Variants in CACNB2 observed in about 807,000 individuals in gnomAD.
CACNB2 encodes the protein voltage-dependent L-type calcium channel subunit beta-2.
In CACNB2, 42 loss-of-function variants were observed where a neutral mutation model predicts 73.3. The observed-to-expected ratio is 0.57, with a 90% CI of 0.45 to 0.74. The LOEUF is 0.74. CACNB2 is among the 30% of genes least tolerant of loss of function. The pLI is 0.00. For missense variants in CACNB2, 940 were observed against 853.0 expected, an observed-to-expected ratio of 1.10 and a Z score of -1.27; for synonymous variants, 348 against 310.3, an observed-to-expected ratio of 1.12 and a Z score of -1.28.
At chr10:18,233,820 T>A (rs1379805362) in intron 2 of CACNB2, among the ~76,000 whole-genome samples, 1 of 152,160 alleles carries the variant, frequency 6.6e-6, no homozygotes, top group Non-Finnish European at 1.5e-5. Context: ...CCCAAGAGCT[T>A]ATTTATCAAC....
chr10:18,252,469 A>G (rs2037127261), intron 2 of CACNB2, among the ~76,000 whole-genome samples: 1 of 152,178 alleles, frequency 6.6e-6, no homozygotes, highest in East Asian at 1.9e-4. Context: ...AGTAAGAAGT[A>G]CTTCCATTAT....
chr10:18,531,228 C>G (rs533081802), intron 10 of CACNB2, among the ~76,000 whole-genome samples: 1 of 152,096 alleles, frequency 6.6e-6, no homozygotes, highest in African/African-American at 2.4e-5. Flanking sequence ...TTACAGAAAC[C>G]TCCTTCTAAA....
chr10:18,339,557 T>A (rs1265333682), intron 2 of CACNB2, among the ~76,000 whole-genome samples: 3 of 152,120 alleles, frequency 2.0e-5, no homozygotes, highest in Non-Finnish European at 2.9e-5. Context: ...ACCAACAGTA[T>A]GTGAAAGTCT....
At chr10:18,149,350 T>C (rs1402698578) in intron 1 of CACNB2, among the ~76,000 whole-genome samples, 1 of 152,210 alleles carries the variant, frequency 6.6e-6, no homozygotes, top group East Asian at 1.9e-4. Context: ...GTAAAAAGAA[T>C]GAGCTGTTAA....
intron 2 of CACNB2, chr10:18,400,426 G>T (rs2043932427): frequency 4.5e-6 from 1 of 224,662 alleles, no homozygotes; most frequent in South Asian, 1.6e-4. Flanking sequence ...GAACCGAAGA[G>T]ACCTTTCCAG....
chr10:18,487,777 G>T (rs1466661443), intron 3 of CACNB2, among the ~76,000 whole-genome samples: 37 of 151,252 alleles, frequency 2.4e-4, no homozygotes, highest in Admixed American at 2.4e-3. Flanking sequence ...AGAGGTTGCA[G>T]TGAGCCAAGA....
chr10:18,140,438 G>A lies in CACNB2; in HGVS notation c.-299G>A, dbSNP rs1431809526. Among the ~76,000 whole-genome samples the A allele has an allele frequency of 6.6e-6, 1 of 151,892 alleles. No individual in the cohort carries two copies. The highest frequency in any genetic ancestry group is 2.1e-4 in the South Asian group (1 of 4,824). On this transcript the variant is annotated 5_prime_UTR_variant, in exon 1 of 14. Coordinates refer to ENST00000324631, the MANE Select transcript of CACNB2 (RefSeq NM_201596.3). ...CTCCGATCCCCGCCGCGCTGCGCCC[G>A]CTCTCCCGGCCCCGGCTGCCCCGCT... is the stretch of plus-strand genomic sequence containing the variant.
intron 2 of CACNB2, among the ~76,000 whole-genome samples, chr10:18,381,498 G>A (rs544820342): frequency 6.4e-4 from 97 of 152,042 alleles, no homozygotes; most frequent in African/African-American, 2.2e-3. Context: ...GACCAGCCTG[G>A]CCAATATGGT....
At chr10:18,324,415 C>A (rs1044574922) in intron 2 of CACNB2, among the ~76,000 whole-genome samples, 1 of 152,090 alleles carries the variant, frequency 6.6e-6, no homozygotes, top group Non-Finnish European at 1.5e-5. Flanking sequence ...GGTAGCCTTG[C>A]CAGTCGCAAA....
intron 2 of CACNB2, among the ~76,000 whole-genome samples, chr10:18,277,600 G>A (rs1295881): frequency 0.2 from 29,770 of 152,164 alleles, 3,167 homozygotes; most frequent in South Asian, 0.29. Context: ...ATATACAGAG[G>A]TTTCTAAAAC....
chr10:18,481,290 A>G (rs1345011708), intron 3 of CACNB2, among the ~76,000 whole-genome samples: 1 of 108,400 alleles, frequency 9.2e-6, no homozygotes, highest in African/African-American at 3.6e-5. Context: ...TCTGTCTCCC[A>G]GGCTGGAATG....
intron 3 of CACNB2, among the ~76,000 whole-genome samples, chr10:18,444,314 G>A (rs928172638): frequency 3.3e-5 from 5 of 152,126 alleles, no homozygotes; most frequent in Admixed American, 1.3e-4. Context: ...GAGGACAGTC[G>A]AGTGCAAAGA....
At chr10:18,390,413 C>T (rs1243912873) in intron 2 of CACNB2, among the ~76,000 whole-genome samples, 8 of 152,154 alleles carry the variant, frequency 5.3e-5, no homozygotes, top group Admixed American at 5.2e-4. Flanking sequence ...GGGGTTTCAC[C>T]ATATTGGCCA....
chr10:18,166,358 C>T (rs962907083), intron 2 of CACNB2, among the ~76,000 whole-genome samples: 40 of 152,132 alleles, frequency 2.6e-4, no homozygotes, highest in Admixed American at 1.2e-3. Context: ...CAGGTTCAAG[C>T]GACTTTCATG....
At chr10:18,472,282 G>A (rs1281025351) in intron 3 of CACNB2, among the ~76,000 whole-genome samples, 1 of 140,240 alleles carries the variant, frequency 7.1e-6, no homozygotes, top group Admixed American at 7.7e-5. Flanking sequence ...TGTCACCCAG[G>A]CTGGAATGCA....
chr10:18,212,756 A>G (rs1247009743), intron 2 of CACNB2, among the ~76,000 whole-genome samples: 1 of 152,180 alleles, frequency 6.6e-6, no homozygotes, highest in Non-Finnish European at 1.5e-5. Flanking sequence ...GCTATTTGTT[A>G]AGTTTATTTA....
intron 2 of CACNB2, among the ~76,000 whole-genome samples, chr10:18,232,440 C>G (rs1397756843): frequency 2.6e-5 from 4 of 152,148 alleles, no homozygotes; most frequent in Non-Finnish European, 5.9e-5. Flanking sequence ...ACCGTGTAGC[C>G]TTCTTGACAG....
At chr10:18,267,353 C>A (rs1299877350) in intron 2 of CACNB2, among the ~76,000 whole-genome samples, 1 of 152,126 alleles carries the variant, frequency 6.6e-6, no homozygotes, top group Non-Finnish European at 1.5e-5. Context: ...CTCCTGTAAT[C>A]CCAACACTTT....
chr10:18,416,898 C>T (rs1821956932), intron 3 of CACNB2, among the ~76,000 whole-genome samples: 1 of 151,324 alleles, frequency 6.6e-6, no homozygotes, highest in Admixed American at 6.6e-5. Context: ...CTTGCCCAAG[C>T]TCACTGAGCT....
Sources: allele counts gnomAD v4.1 joint callset (sites outside exome capture counted in the v4.1 genomes callset), GRCh38; gene constraint gnomAD v4.1.1; transcripts MANE v1.5; gene names NCBI Gene and HGNC (gene_info 2026-07-23, HGNC 2026-07-21).